The following PIAS1 variants were observed in gnomAD, a reference collection of about 807,000 sequenced individuals.
The protein encoded by PIAS1 is protein inhibitor of activated STAT 1, also known as E3 SUMO-protein ligase PIAS1.
A neutral mutation model predicts 71.3 loss-of-function variants in PIAS1; 6 were observed. The ratio of observed to expected loss-of-function variants is 0.08; its 90% confidence interval spans 0.05 to 0.17. The LOEUF is 0.17. Ranked by LOEUF, PIAS1 falls within the 10% of genes least tolerant of loss-of-function variation. The probability of loss-of-function intolerance (pLI) is 1.00; values close to 1 mark genes in which losing one functional copy is unlikely to be tolerated. For missense variants in PIAS1, 555 were observed against 793.6 expected, an observed-to-expected ratio of 0.70 and a Z score of 3.61; for synonymous variants, 303 against 292.9, an observed-to-expected ratio of 1.03 and a Z score of -0.35.
chr15:68,061,119 A>G (rs118048595), intron 1 of PIAS1, among the ~76,000 whole-genome samples: 1 of 152,254 alleles, frequency 6.6e-6, no homozygotes, highest in Non-Finnish European at 1.5e-5. Context: ...AAAGTAGTGC[A>G]TGTAGAAGGA....
Position 68,179,564 on chromosome 15 carries a change from C to CTTTTTTTTTTTTTTTTTTT in PIAS1, c.1482-1638_1482-1620dup, listed in dbSNP as rs766344324. Reference sequence around the variant, plus strand: ...CAACCTTGTCATCTCGTGAAATGTTCTTTTTTTTTTTTTTTTTTTTTTTTT... The same window carrying CTTTTTTTTTTTTTTTTTTT: ...CAACCTTGTCATCTCGTGAAATGTTCTTTTTTTTTTTTTTTTTTTTTTTTTTTTTTTTTTTTTTTTTTTT... On this transcript the variant is annotated intron_variant, in intron 11 of 13. Coordinates refer to ENST00000249636, the MANE Select transcript of PIAS1 (RefSeq NM_016166.3). Among the ~76,000 whole-genome samples the CTTTTTTTTTTTTTTTTTTT allele has an allele frequency of 5.3e-3, 212 of 40,100 alleles. 70 individuals carry two copies. Among genetic ancestry groups the CTTTTTTTTTTTTTTTTTTT allele is most frequent in the East Asian group, 7.0e-3 (7 of 998 alleles). The allele number at this position is 40,100 out of a possible 152,430, so 26.3% of individuals were successfully genotyped here.
chr15:68,057,555 A>G (rs1489598), intron 1 of PIAS1: 85,755 of 420,142 alleles, frequency 0.2, 9,399 homozygotes, highest in Admixed American at 0.23. Flanking sequence ...AAGAGAAACC[A>G]TAATTATAAA....
Position 68,186,991 on chromosome 15 carries a change from T to C in PIAS1, c.1663-551T>C, listed in dbSNP as rs1432837391. 6.6e-6 allele frequency among the ~76,000 whole-genome samples: 1 copy of C among 152,232 alleles called. No homozygotes were observed. The highest frequency in any genetic ancestry group is 1.5e-5 in the Non-Finnish European group (1 of 68,042). On this transcript the variant is annotated intron_variant, in intron 13 of 13. Transcript: ENST00000249636. The surrounding 1 kb of genome is among the most constrained non-coding windows in gnomAD (Gnocchi z 4.4). Reference sequence around the variant, plus strand: ...CGCATGACTGTATTTAAAAGTATAATGTGTAGCCAAGAGAAAGATAAATTT... The same window carrying C: ...CGCATGACTGTATTTAAAAGTATAACGTGTAGCCAAGAGAAAGATAAATTT...
Position 68,193,413 on chromosome 15 carries a change from C to G in PIAS1, c.*5578C>G, listed in dbSNP as rs1176510312. On this transcript the variant is annotated 3_prime_UTR_variant, in exon 14 of 14. Coordinates refer to ENST00000249636, the MANE Select transcript of PIAS1 (RefSeq NM_016166.3). ...TGAATGAATAGCCTGAGCTATGTCA[C>G]TATATCTGTTGAGATGGAAATGAGA... 6.5e-6 allele frequency: 1 copy of G among 152,714 alleles called. No homozygotes were observed. The highest frequency in any genetic ancestry group is 1.5e-5 in the Non-Finnish European group (1 of 68,398). The allele number at this position is 152,714 out of a possible 1,614,324, so 9.5% of individuals were successfully genotyped here.
intron 7 of PIAS1, among the ~76,000 whole-genome samples, chr15:68,161,339 T>G (rs2092922695): frequency 6.6e-6 from 1 of 152,216 alleles, no homozygotes; most frequent in Non-Finnish European, 1.5e-5. Flanking sequence ...GCTAAGAGAT[T>G]GAAAGATTCT....
At chr15:68,118,122 G>A (rs1424597746) in intron 2 of PIAS1, among the ~76,000 whole-genome samples, 2 of 152,016 alleles carry the variant, frequency 1.3e-5, no homozygotes, top group Non-Finnish European at 2.9e-5. Flanking sequence ...CTGAGGTCAG[G>A]AGTTTGGGAC....
chr15:68,062,951 A>G (rs2091977113), intron 1 of PIAS1, among the ~76,000 whole-genome samples: 1 of 152,148 alleles, frequency 6.6e-6, no homozygotes. Context: ...ATAGAGATTT[A>G]CCTCTTGAAT....
At chr15:68,147,507 A>G (rs2092816567) in intron 6 of PIAS1, among the ~76,000 whole-genome samples, 1 of 151,882 alleles carries the variant, frequency 6.6e-6, no homozygotes, top group Non-Finnish European at 1.5e-5. Context: ...TTGGCCTTTT[A>G]TTTTTATGTT....
At chr15:68,141,175 G>A (rs1798681865) in intron 2 of PIAS1, among the ~76,000 whole-genome samples, 1 of 151,934 alleles carries the variant, frequency 6.6e-6, no homozygotes, top group South Asian at 2.1e-4. Context: ...CTCCAGCCTG[G>A]GCAACAGAGC....
At position 68,077,530 on chromosome 15, in the gene PIAS1, G is replaced by A. The variant is rs1191965838; in HGVS notation, c.25-8776G>A. 4.6e-5 allele frequency among the ~76,000 whole-genome samples: 7 copies of A among 152,176 alleles called. No individual in the cohort carries two copies. The East Asian group carries it at 1.3e-3, about 29-fold the overall frequency. On this transcript the variant is annotated intron_variant, in intron 1 of 13. Coordinates refer to ENST00000249636, the MANE Select transcript of PIAS1 (RefSeq NM_016166.3). ...GAACTTTCAATTCCTAGAGCTTTTC[G>A]CTAATGTGGGCAGCTTTTAAAGGTT... is the stretch of plus-strand genomic sequence containing the variant.
At chr15:68,182,901 C>T (rs949911229) in intron 12 of PIAS1, among the ~76,000 whole-genome samples, 5 of 152,174 alleles carry the variant, frequency 3.3e-5, no homozygotes, top group African/African-American at 1.2e-4. Context: ...ATATATTTAT[C>T]TATAGCTGCG....
intron 1 of PIAS1, among the ~76,000 whole-genome samples, chr15:68,079,158 T>G (rs554693658): frequency 1.3e-5 from 2 of 152,198 alleles, no homozygotes; most frequent in Non-Finnish European, 2.9e-5. Context: ...ACCATTATAT[T>G]GTATTGCACA....
chr15:68,140,224 T>TA (rs2092761187), intron 2 of PIAS1, among the ~76,000 whole-genome samples: 1 of 152,224 alleles, frequency 6.6e-6, no homozygotes, highest in African/African-American at 2.4e-5. Context: ...ATCCAAAACT[T>TA]ACTGTAGTCA....
At position 68,167,114 on chromosome 15, in the gene PIAS1, C is replaced by G. The variant is rs1323118402; in HGVS notation, c.1008+2310C>G. Among the ~76,000 whole-genome samples the G allele has an allele frequency of 6.6e-6, 1 of 152,180 alleles. No homozygotes were observed. ...GGGATTACAGGCGTGAGCCACCACA[C>G]CTGGCCAGCAGTTCATTTTAAATTG... On this transcript the variant is annotated intron_variant, in intron 8 of 13. Transcript: ENST00000249636. The surrounding 1 kb of genome is among the most constrained non-coding windows in gnomAD (Gnocchi z 4.4).
At chr15:68,145,489 A>G (rs2092801773) in intron 4 of PIAS1, among the ~76,000 whole-genome samples, 1 of 152,120 alleles carries the variant, frequency 6.6e-6, no homozygotes, top group Admixed American at 6.5e-5. Flanking sequence ...TCTTAATTTT[A>G]TTTGACTAAC....
intron 4 of PIAS1, among the ~76,000 whole-genome samples, chr15:68,144,153 T>C (rs138421381): frequency 9.1e-4 from 138 of 151,680 alleles, no homozygotes; most frequent in African/African-American, 3.0e-3. Context: ...TGTTGTGTTA[T>C]ATTTGGTAAT....
intron 1 of PIAS1, among the ~76,000 whole-genome samples, chr15:68,068,855 A>G (rs182471479): frequency 1.9e-4 from 28 of 150,784 alleles, no homozygotes; most frequent in Non-Finnish European, 3.5e-4. Context: ...TTTTGGCAAG[A>G]CCATTAAAGT....
At chr15:68,155,390 A>C (rs2092880472) in intron 7 of PIAS1, among the ~76,000 whole-genome samples, 3 of 144,096 alleles carry the variant, frequency 2.1e-5, no homozygotes, top group Non-Finnish European at 4.5e-5. Flanking sequence ...CCCACCAGTA[A>C]GAAATTTGTT....
At position 68,103,322 on chromosome 15, in the gene PIAS1, T is replaced by C. The variant is rs201526067; in HGVS notation, c.469+16572T>C. 3.1e-5 allele frequency among the ~76,000 whole-genome samples: 3 copies of C among 96,206 alleles called. No homozygotes were observed. In the East Asian group the frequency reaches 9.3e-4, roughly 30 times the overall value. The allele number at this position is 96,206 out of a possible 152,430, so 63.1% of individuals were successfully genotyped here. On this transcript the variant is annotated intron_variant, in intron 2 of 13. Transcript: ENST00000249636. The stretch of plus-strand genomic sequence containing the variant: ...TTGCCCTTGAATCTACCATGTTTTG[T>C]ATTATTATCCTTTTTTTTTTTTTAA...
Sources: allele counts gnomAD v4.1 joint callset (sites outside exome capture counted in the v4.1 genomes callset), GRCh38; gene constraint gnomAD v4.1.1; non-coding constraint Gnocchi (gnomAD v3.1); transcripts MANE v1.5; gene names NCBI Gene and HGNC (gene_info 2026-07-23, HGNC 2026-07-21).